BCAT2: variants seen among roughly 807,000 people sequenced by gnomAD.
BCAT2 encodes the protein branched-chain-amino-acid aminotransferase, mitochondrial.
In BCAT2, 44 loss-of-function variants were observed where a neutral mutation model predicts 52.9. The observed-to-expected ratio is 0.83, with a 90% CI of 0.65 to 1.07. BCAT2 has a LOEUF of 1.07. BCAT2 is among the 50% of genes least tolerant of loss of function. BCAT2 has a pLI of 0.00. For missense variants in BCAT2, 478 were observed against 521.8 expected (o/e 0.92, Z 0.82); for synonymous variants, 215 against 217.1 (o/e 0.99, Z 0.08).
intron 1 of BCAT2, chr19:48,810,700 C>G (rs1205173659): frequency 2.2e-6 from 2 of 890,658 alleles, no homozygotes; most frequent in Non-Finnish European, 3.0e-6. Context: ...CCCACCCCCA[C>G]GCCTCCCTCA....
Position 48,799,582 on chromosome 19 carries a change from A to G in BCAT2, c.695+93T>C. The G allele has an allele frequency of 7.1e-7, 1 of 1,410,668 alleles. No homozygotes were observed. Among genetic ancestry groups the G allele is most frequent in the South Asian group, 1.5e-5 (1 of 65,162 alleles). 87.4% of individuals were successfully genotyped at this position (1,410,668 alleles called of 1,614,324 possible). On this transcript the variant is annotated intron_variant, in intron 6 of 10. Transcript: ENST00000316273. The surrounding 1 kb of genome is among the most constrained non-coding windows in gnomAD (Gnocchi z 5.5). The stretch of plus-strand genomic sequence containing the variant: ...GTGCTGATGATGTCACCTTCATGTG[A>G]CATCCAGAGGCATGGCCGAAAGCAC...
rs2034828437 is a variant in BCAT2, at chr19:48,807,909, G to A, written c.25-835C>T. 1.0e-6 allele frequency: 1 copy of A among 985,702 alleles called. No homozygotes were observed. Among genetic ancestry groups the A allele is most frequent in the Non-Finnish European group, 1.2e-6 (1 of 830,196 alleles). 61.1% of individuals were successfully genotyped at this position (985,702 alleles called of 1,614,324 possible). ...GGGAGTAGGAAGAGCAGGTCTGGCTGTGTCCAGCAGGCTGGGCCCTCTCTG... is the reference window on the plus strand; with the variant it reads ...GGGAGTAGGAAGAGCAGGTCTGGCTATGTCCAGCAGGCTGGGCCCTCTCTG... On this transcript the variant is annotated intron_variant, in intron 1 of 10. Coordinates refer to ENST00000316273, the MANE Select transcript of BCAT2 (RefSeq NM_001190.4). The surrounding 1 kb of genome is among the most constrained non-coding windows in gnomAD (Gnocchi z 4.6).
rs3057799 is a variant in BCAT2 at position 48,809,066 on chromosome 19, CAAAAAAAAAAAAAAAA to C, written c.24+1902_24+1917del. 1.1e-3 allele frequency among the ~76,000 whole-genome samples: 31 copies of C among 28,968 alleles called. 1 individual carries two copies. Among genetic ancestry groups the C allele is most frequent in the Admixed American group, 6.9e-4 (1 of 1,452 alleles). The allele number at this position is 28,968 out of a possible 152,430, so 19.0% of individuals were successfully genotyped here. On this transcript the variant is annotated intron_variant, in intron 1 of 10. Coordinates refer to ENST00000316273, the MANE Select transcript of BCAT2 (RefSeq NM_001190.4). ...CCAGCATGAGTGATAGAGTGTCTCT[CAAAAAAAAAAAAAAAA>C]AAAAAAAAAAAAAAGACCAGCATGG...
intron 1 of BCAT2, chr19:48,810,735 C>CT: frequency 1.1e-5 from 10 of 937,344 alleles, no homozygotes; most frequent in Middle Eastern, 4.0e-4. Context: ...ACCATGTTTC[C>CT]CTTTTTTTTT....
Position 48,806,820 on chromosome 19 carries a change from C to T in BCAT2, c.100-103G>A, listed in dbSNP as rs184587154. 74 of 1,455,882 alleles carry T rather than the reference C, an allele frequency of 5.1e-5. No individual in the cohort carries two copies. In the African/African-American group the frequency reaches 9.4e-4, roughly 18 times the overall value. The allele number at this position is 1,455,882 out of a possible 1,614,324, so 90.2% of individuals were successfully genotyped here. On this transcript the variant is annotated intron_variant, in intron 2 of 10. Transcript: ENST00000316273. ...GCCTCAGACCCATAGAGAAGAAGGA[C>T]CTGTCACCCTGGAGGATTCTGGGAC...
At chr19:48,803,762 AG>A (rs1165271884) in intron 3 of BCAT2, among the ~76,000 whole-genome samples, 1 of 152,228 alleles carries the variant, frequency 6.6e-6, no homozygotes, top group East Asian at 1.9e-4. Flanking sequence ...GGCTGGGGTG[AG>A]GGACAATGGG....
At chr19:48,809,321 T>C (rs1360723318) in intron 1 of BCAT2, among the ~76,000 whole-genome samples, 1 of 152,028 alleles carries the variant, frequency 6.6e-6, no homozygotes, top group Non-Finnish European at 1.5e-5. Context: ...AGGGCAGGTC[T>C]CTATAATGTG....
In BCAT2 at chr19:48,806,695, A is replaced by C. The variant is rs150243233; in HGVS notation, c.122T>G (p.Met41Arg). Residue 41 changes from methionine (M) to arginine (R), a missense_variant, in exon 3 of 11, where the codon ATG becomes AGG. Met to Arg is a moderately conservative substitution (Grantham distance 91, BLOSUM62 -1). Transcript: ENST00000316273. ...AGGCTTCTTATGAGGCTTCTGTGTC[A>C]TTTCCAGCTGCAGGTCTGCAGCCTG... ...SFKAADLQLE[M>R]TQKPHKKPGP... 113 of 1,613,458 alleles carry C rather than the reference A, an allele frequency of 7.0e-5. No homozygotes were observed. The highest frequency in any genetic ancestry group is 9.4e-5 in the Non-Finnish European group (111 of 1,180,034).
intron 1 of BCAT2, among the ~76,000 whole-genome samples, chr19:48,810,367 T>C (rs996512253): frequency 3.9e-5 from 6 of 152,196 alleles, no homozygotes; most frequent in Admixed American, 3.9e-4. Context: ...CTGCTGCTGT[T>C]TGACATCGCA....
intron 1 of BCAT2, 117 bp downstream of exon 1, chr19:48,810,867 G>T: frequency 6.5e-7 from 1 of 1,532,164 alleles, no homozygotes; most frequent in South Asian, 1.2e-5. Context: ...GCCCTGCAGC[G>T]GAACCCCAGG....
rs1460575724 is a variant in BCAT2 at position 48,800,258 on chromosome 19, G to C, written c.340C>G (p.Gln114Glu). 6.2e-7 allele frequency: 1 copy of C among 1,613,826 alleles called. No individual in the cohort carries two copies. The highest frequency in any genetic ancestry group is 8.5e-7 in the Non-Finnish European group (1 of 1,180,038). ...GMKAFKGKDQ[Q>E]VRLFRPWLNM... is the part of the protein sequence containing the mutation. ...AGCCAGGGGCGGAAGAGGCGCACCTGCTGGTCTTTGCCTTTGAACGCCTTC... is the reference window on the plus strand; with the variant it reads ...AGCCAGGGGCGGAAGAGGCGCACCTCCTGGTCTTTGCCTTTGAACGCCTTC... The change falls in exon 4 of 11, where the codon CAG (glutamine) becomes GAG (glutamate). Residue 114 changes from glutamine to glutamate, a missense_variant. Transcript: ENST00000316273.
At chr19:48,808,362 G>T in intron 1 of BCAT2, 1 of 688,290 alleles carries the variant, frequency 1.5e-6, no homozygotes, top group Non-Finnish European at 1.8e-6. Flanking sequence ...GGAAGAGGAA[G>T]GATGAGAAAA....
intron 10 of BCAT2, 198 bp downstream of exon 10, chr19:48,796,230 A>G (rs768967386): frequency 5.7e-5 from 37 of 652,966 alleles, no homozygotes; most frequent in Non-Finnish European, 8.8e-5. Flanking sequence ...GCTCCCAGGA[A>G]AGGGTGATTT....
At position 48,800,031 on chromosome 19, in the gene BCAT2, C is replaced by A. The variant is rs1294788307; in HGVS notation, c.481G>T (p.Asp161Tyr). Residue 161 changes from aspartate to tyrosine, a missense_variant, in exon 5 of 11, where the codon GAT becomes TAT. Coordinates refer to ENST00000316273, the MANE Select transcript of BCAT2 (RefSeq NM_001190.4). ...ACATAGAGGCTGGTGCCGGCGGCAT[C>A]GGGGACCCAGTCCTTGTCCACTTCG... is the stretch of plus-strand genomic sequence containing the variant. ...LIEVDKDWVP[D>Y]AAGTSLYVRP... 1 of 1,613,642 alleles carries A rather than the reference C, an allele frequency of 6.2e-7. No homozygotes were observed. The highest frequency in any genetic ancestry group is 1.1e-5 in the South Asian group (1 of 91,080).
intron 8 of BCAT2, 89 bp downstream of exon 8, chr19:48,796,846 CAG>C (rs1423596288): frequency 6.3e-7 from 1 of 1,595,794 alleles, no homozygotes; most frequent in Non-Finnish European, 8.6e-7. Context: ...GGAGAAGGGG[CAG>C]AGACATGCCA....
chr19:48,804,663 C>T (rs2034725666), intron 3 of BCAT2, among the ~76,000 whole-genome samples: 1 of 152,198 alleles, frequency 6.6e-6, no homozygotes. Context: ...TCATCCTCCC[C>T]CTTCCGCCCC....
intron 10 of BCAT2, chr19:48,795,860 C>A: frequency 3.3e-6 from 1 of 300,048 alleles, no homozygotes; most frequent in Non-Finnish European, 6.3e-6. Flanking sequence ...GATGGGAATA[C>A]CCCCAGAGAT....
chr19:48,795,749 T>C (rs1163021885), intron 10 of BCAT2: 1 of 522,728 alleles, frequency 1.9e-6, no homozygotes, highest in Non-Finnish European at 3.4e-6. Context: ...AGTCAGAGGA[T>C]GTGTAGTTCT....
chr19:48,800,247 G>A lies in BCAT2; in HGVS notation c.351C>T (p.Leu117=). Residue 117 remains leucine, a synonymous_variant, in exon 4 of 11, where the codon CTC becomes CTT. Transcript: ENST00000316273. ...AFKGKDQQVR[L]FRPWLNMDRM... is the part of the protein sequence containing the mutation. ...GGTCCATGTTGAGCCAGGGGCGGAA[G>A]AGGCGCACCTGCTGGTCTTTGCCTT... is the stretch of plus-strand genomic sequence containing the variant. 6.2e-7 allele frequency: 1 copy of A among 1,613,932 alleles called. No homozygotes were observed. The highest frequency in any genetic ancestry group is 8.5e-7 in the Non-Finnish European group (1 of 1,180,026).
Sources: allele counts gnomAD v4.1 joint callset (sites outside exome capture counted in the v4.1 genomes callset), GRCh38; gene constraint gnomAD v4.1.1; non-coding constraint Gnocchi (gnomAD v3.1); transcripts MANE v1.5; gene names NCBI Gene and HGNC (gene_info 2026-07-23, HGNC 2026-07-21).